MKNK2: variants seen among roughly 807,000 people sequenced by gnomAD.
MKNK2 encodes the protein MAP kinase-interacting serine/threonine-protein kinase 2.
In MKNK2, 54 loss-of-function variants were observed where a neutral mutation model predicts 55.0. The observed-to-expected ratio is 0.98, with a 90% CI of 0.79 to 1.23. MKNK2 has a LOEUF of 1.23. MKNK2 is among the 50% of genes most tolerant of loss of function. The pLI is 0.00. For missense variants in MKNK2, 685 were observed against 632.1 expected (o/e 1.08, Z -0.90); for synonymous variants, 323 against 256.0 (o/e 1.26, Z -2.50).
Position 2,041,138 on chromosome 19 carries a change from A to T in MKNK2, c.1012T>A (p.Ser338Thr). ...EFPDKDWAHI[S>T]CAAKDLISKL... ...GAGATGAGGTCTTTGGCAGCGCAGGAGATGTGGGCCCAGTCCTTGTCGGGG... is the reference window on the plus strand; with the variant it reads ...GAGATGAGGTCTTTGGCAGCGCAGGTGATGTGGGCCCAGTCCTTGTCGGGG... Residue 338 changes from serine to threonine, a missense_variant, in exon 12 of 14, where the codon TCC (serine) becomes ACC (threonine). Ser to Thr is a moderately conservative substitution (Grantham distance 58). Coordinates refer to ENST00000250896, the MANE Select transcript of MKNK2 (RefSeq NM_199054.3). The T allele has an allele frequency of 6.2e-7, 1 of 1,613,986 alleles. No individual in the cohort carries two copies. The highest frequency in any genetic ancestry group is 8.5e-7 in the Non-Finnish European group (1 of 1,179,936).
intron 10 of MKNK2, 30 bp from the exon 11 acceptor site, chr19:2,042,064 G>A (rs2016898109): frequency 7.5e-6 from 11 of 1,457,458 alleles, no homozygotes; most frequent in East Asian, 2.7e-5. Context: ...GCGTCAGCCG[G>A]GGTTTCCCAG....
Position 2,038,011 on chromosome 19 carries a change from A to T in MKNK2, c.*1602T>A. ...TGACAGGCGAGAAGTGATGGGGGAAAGGGGTGGGCGGAATGCCCCACCCCC... is the reference window on the plus strand; with the variant it reads ...TGACAGGCGAGAAGTGATGGGGGAATGGGGTGGGCGGAATGCCCCACCCCC... On this transcript the variant is annotated 3_prime_UTR_variant, in exon 14 of 14. Coordinates refer to ENST00000250896, the MANE Select transcript of MKNK2 (RefSeq NM_199054.3). The T allele has an allele frequency of 3.0e-6, 4 of 1,342,834 alleles. No individual in the cohort carries two copies. Among genetic ancestry groups the T allele is most frequent in the Middle Eastern group, 5.8e-4 (2 of 3,462 alleles). 83.2% of individuals were successfully genotyped at this position (1,342,834 alleles called of 1,614,324 possible). A position where few individuals can be genotyped will look rare whatever the true frequency, so the allele number is the denominator to read the frequency against.
Position 2,038,860 on chromosome 19 carries a change from G to A in MKNK2, c.*753C>T, listed in dbSNP as rs1302885645. On this transcript the variant is annotated 3_prime_UTR_variant, in exon 14 of 14. Coordinates refer to ENST00000250896, the MANE Select transcript of MKNK2 (RefSeq NM_199054.3). Reference sequence around the variant, plus strand: ...TCAGGCCTTGGTGTGGAGGGGAGGGGCAGCGGCGAGCCCCTGGGGTCAGCT... The same window carrying A: ...TCAGGCCTTGGTGTGGAGGGGAGGGACAGCGGCGAGCCCCTGGGGTCAGCT... 1 of 985,880 alleles carries A rather than the reference G, an allele frequency of 1.0e-6. No individual in the cohort carries two copies. The highest frequency in any genetic ancestry group is 4.7e-5 in the South Asian group (1 of 21,302). 61.1% of individuals were successfully genotyped at this position (985,880 alleles called of 1,614,324 possible). A position where few individuals can be genotyped will look rare whatever the true frequency, so the allele number is the denominator to read the frequency against.
intron 5 of MKNK2, among the ~76,000 whole-genome samples, 186 bp from the exon 6 acceptor site, chr19:2,043,768 G>A (rs1480009058): frequency 1.3e-5 from 2 of 152,126 alleles, no homozygotes; most frequent in South Asian, 2.1e-4. Flanking sequence ...GAGGTCAGGA[G>A]ATTGAGACCA....
chr19:2,039,774 G>C lies in MKNK2; in HGVS notation c.1237C>G (p.Leu413Val). 1 of 1,608,136 alleles carries C rather than the reference G, an allele frequency of 6.2e-7. No homozygotes were observed. Among genetic ancestry groups the C allele is most frequent in the African/African-American group, 1.3e-5 (1 of 75,068 alleles). ...NRQLAQHDEDLAEEEAAGQGQ... is the reference protein window; with the variant it reads ...NRQLAQHDEDVAEEEAAGQGQ... Reference sequence around the variant, plus strand: ...TGCCCCGCGGCCTCCTCCTCAGCCAGGTCCTCGTCGTGCTGGGCCAGCTGC... The same window carrying C: ...TGCCCCGCGGCCTCCTCCTCAGCCACGTCCTCGTCGTGCTGGGCCAGCTGC... Residue 413 changes from leucine (L) to valine (V), a missense_variant, in exon 14 of 14, where the codon CTG (leucine) becomes GTG (valine). Physicochemically the swap from Leu to Val is conservative, Grantham distance 32. Transcript: ENST00000250896.
Position 2,046,233 on chromosome 19 carries a change from C to A in MKNK2, c.292G>T (p.Val98Leu). 6.2e-7 allele frequency: 1 copy of A among 1,607,546 alleles called. No homozygotes were observed. Among genetic ancestry groups the A allele is most frequent in the Non-Finnish European group, 8.5e-7 (1 of 1,179,948 alleles). The change falls in exon 5 of 14, where the codon GTG becomes TTG. Residue 98 changes from valine to leucine, a missense_variant. Transcript: ENST00000250896. ...GTGATCAGGTTGATGCAGGTCTGCA[C>A]TCGGGCATGAGCGCCCTCCCCCAGC... ...DVLGEGAHAR[V>L]QTCINLITSQ... is the part of the protein sequence containing the mutation.
At position 2,038,312 on chromosome 19, in the gene MKNK2, C is replaced by G. The variant is rs1457974450; in HGVS notation, c.*1301G>C. 2 of 986,542 alleles carry G rather than the reference C, an allele frequency of 2.0e-6. No homozygotes were observed. The highest frequency in any genetic ancestry group is 1.2e-6 in the Non-Finnish European group (1 of 830,514). The allele number at this position is 986,542 out of a possible 1,614,324, so 61.1% of individuals were successfully genotyped here. A position where few individuals can be genotyped will look rare whatever the true frequency, so the allele number is the denominator to read the frequency against. ...AGAATCCCGACCGCGGATTTAGAAG[C>G]CAGAGGGGCTGCCCCAGCTGTGGAG... is the stretch of plus-strand genomic sequence containing the variant. On this transcript the variant is annotated 3_prime_UTR_variant, in exon 14 of 14. Transcript: ENST00000250896.
chr19:2,037,504 A>T lies in MKNK2; in HGVS notation c.*2109T>A. 2.8e-6 allele frequency: 1 copy of T among 358,966 alleles called. No individual in the cohort carries two copies. The highest frequency in any genetic ancestry group is 5.0e-6 in the Non-Finnish European group (1 of 199,686). The allele number at this position is 358,966 out of a possible 1,614,324, so 22.2% of individuals were successfully genotyped here. On this transcript the variant is annotated 3_prime_UTR_variant, in exon 14 of 14. Transcript: ENST00000250896. ...TTTGACTTTTATTAAATCTTTACAA[A>T]ACAGAATACAAAATTCCGGCATTGA... is the stretch of plus-strand genomic sequence containing the variant.
intron 11 of MKNK2, 121 bp from the exon 12 acceptor site, chr19:2,041,325 TG>T: frequency 9.9e-7 from 1 of 1,010,370 alleles, no homozygotes; most frequent in Non-Finnish European, 1.4e-6. Flanking sequence ...CACGCACGCC[TG>T]GGGCAGAGGG....
At chr19:2,045,443 G>A (rs990556037) in intron 5 of MKNK2, among the ~76,000 whole-genome samples, 12 of 152,034 alleles carry the variant, frequency 7.9e-5, no homozygotes, top group East Asian at 3.9e-4. Flanking sequence ...GGGACCGTCC[G>A]TACTGTGTCT....
intron 5 of MKNK2, 30 bp from the exon 6 acceptor site, chr19:2,043,612 G>T (rs1262817397): frequency 6.2e-7 from 1 of 1,606,840 alleles, no homozygotes. Flanking sequence ...ACAGCACCTG[G>T]GTTGGTGGGA....
At position 2,041,904 on chromosome 19, in the gene MKNK2, G is replaced by A. The variant is rs1238991432; in HGVS notation, c.881C>T (p.Pro294Leu). ...GTCGCTGCCACAGCGGCCCACGAAG[G>A]GCGGGTAGCCGCTGAGTAGGATATA... ...ILYILLSGYP[P>L]FVGRCGSDCG... The change falls in exon 11 of 14, where the codon CCC becomes CTC. Residue 294 changes from proline to leucine, a missense_variant. Coordinates refer to ENST00000250896, the MANE Select transcript of MKNK2 (RefSeq NM_199054.3). 4.5e-6 allele frequency: 7 copies of A among 1,545,942 alleles called. No individual in the cohort carries two copies. Among genetic ancestry groups the A allele is most frequent in the Admixed American group, 2.0e-5 (1 of 50,498 alleles).
Position 2,042,039 on chromosome 19 carries a change from G to T in MKNK2, c.751-5C>A. On this transcript the variant is annotated splice_polypyrimidine_tract_variant and splice_region_variant and intron_variant, in intron 10 of 13. Transcript: ENST00000250896. Reference sequence around the variant, plus strand: ...CATGTACTCCGCCGAGCCGCACTGCGGGCGGGGGAGGGGCGCGTCAGCCGG... The same window carrying T: ...CATGTACTCCGCCGAGCCGCACTGCTGGCGGGGGAGGGGCGCGTCAGCCGG... The T allele has an allele frequency of 6.8e-7, 1 of 1,479,590 alleles. No homozygotes were observed. Among genetic ancestry groups the T allele is most frequent in the Non-Finnish European group, 9.0e-7 (1 of 1,113,742 alleles). The allele number at this position is 1,479,590 out of a possible 1,614,324, so 91.7% of individuals were successfully genotyped here.
rs533354898 is a variant in MKNK2, at chr19:2,039,781, G to A, written c.1230C>T (p.Asp410=). 35 of 1,607,598 alleles carry A rather than the reference G, an allele frequency of 2.2e-5. No individual in the cohort carries two copies. Among genetic ancestry groups the A allele is most frequent in the Middle Eastern group, 3.3e-4 (2 of 6,058 alleles). Reference sequence around the variant, plus strand: ...CGGCCTCCTCCTCAGCCAGGTCCTCGTCGTGCTGGGCCAGCTGCCGGTTCA... The same window carrying A: ...CGGCCTCCTCCTCAGCCAGGTCCTCATCGTGCTGGGCCAGCTGCCGGTTCA... ...IAMNRQLAQH[D]EDLAEEEAAG... Residue 410 remains aspartate, a synonymous_variant, in exon 14 of 14, where the codon GAC becomes GAT. Coordinates refer to ENST00000250896, the MANE Select transcript of MKNK2 (RefSeq NM_199054.3).
At position 2,038,427 on chromosome 19, in the gene MKNK2, C is replaced by G; in HGVS notation, c.*1186G>C. ...CTGTATTGCATAGAACGTCCCCACC[C>G]GCGGGGAGGGGGCAGCAGGCTCCGC... On this transcript the variant is annotated 3_prime_UTR_variant, in exon 14 of 14. Coordinates refer to ENST00000250896, the MANE Select transcript of MKNK2 (RefSeq NM_199054.3). 1 of 985,202 alleles carries G rather than the reference C, an allele frequency of 1.0e-6. No individual in the cohort carries two copies. Among genetic ancestry groups the G allele is most frequent in the South Asian group, 4.7e-5 (1 of 21,268 alleles). 61.0% of individuals were successfully genotyped at this position (985,202 alleles called of 1,614,324 possible).
rs1275598880 is a variant in MKNK2 at position 2,038,562 on chromosome 19, CAA to C, written c.*1049_*1050del. 12 of 985,454 alleles carry C rather than the reference CAA, an allele frequency of 1.2e-5. No homozygotes were observed. The highest frequency in any genetic ancestry group is 1.4e-5 in the Non-Finnish European group (12 of 830,014). 61.0% of individuals were successfully genotyped at this position (985,454 alleles called of 1,614,324 possible). The stretch of plus-strand genomic sequence containing the variant: ...AGCCGTTTTCCTGAAGGTGGCAGAC[CAA>C]AAACACTGCCCTGGGGGTGAGGATT... On this transcript the variant is annotated 3_prime_UTR_variant, in exon 14 of 14. Coordinates refer to ENST00000250896, the MANE Select transcript of MKNK2 (RefSeq NM_199054.3).
At position 2,037,683 on chromosome 19, in the gene MKNK2, G is replaced by A. The variant is rs1480457489; in HGVS notation, c.*1930C>T. On this transcript the variant is annotated 3_prime_UTR_variant, in exon 14 of 14. Transcript: ENST00000250896. ...AACATCGTAACATTAACACATGGCC[G>A]TTCACCGTCCCCCAGCGATGGGAGC... The A allele has an allele frequency of 4.9e-6, 6 of 1,229,822 alleles. No homozygotes were observed. Among genetic ancestry groups the A allele is most frequent in the South Asian group, 1.7e-5 (1 of 57,732 alleles). 76.2% of individuals were successfully genotyped at this position (1,229,822 alleles called of 1,614,324 possible).
chr19:2,049,627 C>T (rs965353525), intron 2 of MKNK2, among the ~76,000 whole-genome samples: 1 of 152,220 alleles, frequency 6.6e-6, no homozygotes, highest in Non-Finnish European at 1.5e-5. Context: ...CTAGAAAGTT[C>T]AAGTGTGCTT....
chr19:2,041,765 TG>T, intron 11 of MKNK2, 74 bp downstream of exon 11: 1 of 1,289,414 alleles, frequency 7.8e-7, no homozygotes, highest in Non-Finnish European at 1.0e-6. Flanking sequence ...GCAGGTCCCC[TG>T]GGGTTAGGGG....
Sources: allele counts gnomAD v4.1 joint callset (sites outside exome capture counted in the v4.1 genomes callset), GRCh38; gene constraint gnomAD v4.1.1; transcripts MANE v1.5; gene names NCBI Gene and HGNC (gene_info 2026-07-23, HGNC 2026-07-21).